Variants in GPHN observed in about 807,000 individuals in gnomAD.
The protein encoded by GPHN is gephyrin.
Under a neutral mutation model 95.5 loss-of-function variants are expected in GPHN, and 17 were observed. The observed-to-expected ratio is 0.18, with a 90% confidence interval of 0.12 to 0.27. The LOEUF (loss-of-function observed/expected upper bound fraction) is 0.27. GPHN is among the 10% of genes least tolerant of loss of function. The probability of loss-of-function intolerance (pLI) is 1.00; values close to 1 mark genes in which losing one functional copy is unlikely to be tolerated. For missense variants in GPHN, 660 were observed against 978.1 expected, an observed-to-expected ratio of 0.67 and a Z score of 4.34; for synonymous variants, 320 against 322.5, an observed-to-expected ratio of 0.99 and a Z score of 0.08.
the GPHN span, among the ~76,000 whole-genome samples, chr14:67,686,757 T>A: frequency 1.3e-5 from 2 of 152,100 alleles, no homozygotes; most frequent in Non-Finnish European, 2.9e-5. Context: ...CATACTTCAA[T>A]TTTTTTCTCT....
intron 9 of GPHN, among the ~76,000 whole-genome samples, chr14:67,019,983 G>A (rs925060075): frequency 6.6e-6 from 1 of 152,174 alleles, no homozygotes; most frequent in Non-Finnish European, 1.5e-5. Flanking sequence ...GGGCTTGTGT[G>A]TGTACAAGTG....
At chr14:66,736,656 C>T (rs1016754748) in intron 2 of GPHN, among the ~76,000 whole-genome samples, 9 of 152,134 alleles carry the variant, frequency 5.9e-5, no homozygotes, top group East Asian at 1.9e-4. Context: ...CCACCCGCCT[C>T]GGCCTCCTAA....
chr14:66,566,562 G>T (rs1368012401), intron 1 of GPHN, among the ~76,000 whole-genome samples: 5 of 152,102 alleles, frequency 3.3e-5, no homozygotes, highest in African/African-American at 1.2e-4. Flanking sequence ...TTGACTTACT[G>T]TAAGTGTTTT....
rs141369748 is a variant in GPHN, at chr14:66,677,518, C to A, written c.65-3589C>A. 5.5e-3 allele frequency among the ~76,000 whole-genome samples: 829 copies of A among 152,084 alleles called. 7 individuals are homozygous for A. The highest frequency in any genetic ancestry group is 9.5e-3 in the Admixed American group (146 of 15,288). ...AATTTCTTAATTGAACCATAAGTTT[C>A]TCAGGGTCTTTTCTCTTTTTTTCTT... On this transcript the variant is annotated intron_variant, in intron 1 of 22. Transcript: ENST00000478722.
At chr14:67,661,111 CAA>C in the GPHN span, among the ~76,000 whole-genome samples, 1 of 151,746 alleles carries the variant, frequency 6.6e-6, no homozygotes, top group South Asian at 2.1e-4. Flanking sequence ...GTTCGCTGGC[CAA>C]AAGAGAATTT....
rs138339985 is a variant in GPHN at position 66,795,607 on chromosome 14, A to G, written c.201+19086A>G. ...GTTTTTTTAAGGACTACCCAAGGGT[A>G]TATTTCAACATCCATCCATTATAGT... On this transcript the variant is annotated intron_variant, in intron 3 of 22. Transcript: ENST00000478722. 4.9e-3 allele frequency among the ~76,000 whole-genome samples: 742 copies of G among 152,206 alleles called. 11 individuals carry two copies. Among genetic ancestry groups the G allele is most frequent in the African/African-American group, 0.017 (716 of 41,554 alleles).
At chr14:66,613,787 A>G (rs963975580) in intron 1 of GPHN, among the ~76,000 whole-genome samples, 1 of 152,150 alleles carries the variant, frequency 6.6e-6, no homozygotes, top group Non-Finnish European at 1.5e-5. Context: ...AGTATAATTG[A>G]TGGGTTAAAT....
chr14:67,230,577 A>C, the GPHN span, among the ~76,000 whole-genome samples: 1 of 152,190 alleles, frequency 6.6e-6, no homozygotes, highest in Non-Finnish European at 1.5e-5. Flanking sequence ...CTCTCAAGAA[A>C]AAAAAAGATA....
rs182337539 is a variant in GPHN at position 66,641,180 on chromosome 14, C to T, written c.65-39927C>T. On this transcript the variant is annotated intron_variant, in intron 1 of 22. Transcript: ENST00000478722. ...GATGGTTCAACTTACAATTGTTTGACGTAACGGTGGTGCAAAAATGATACA... is the reference window on the plus strand; with the variant it reads ...GATGGTTCAACTTACAATTGTTTGATGTAACGGTGGTGCAAAAATGATACA... 6.6e-5 allele frequency among the ~76,000 whole-genome samples: 10 copies of T among 152,198 alleles called. No individual in the cohort carries two copies. The East Asian group carries it at 9.7e-4, about 15-fold the overall frequency.
the GPHN span, among the ~76,000 whole-genome samples, chr14:67,638,213 A>G: frequency 3.0e-4 from 45 of 152,230 alleles, no homozygotes; most frequent in African/African-American, 1.1e-3. Context: ...CCTTACTTAA[A>G]ATAATATTAT....
At chr14:66,775,073 C>G (rs1038098600) in intron 2 of GPHN, among the ~76,000 whole-genome samples, 12 of 151,744 alleles carry the variant, frequency 7.9e-5, no homozygotes, top group Non-Finnish European at 1.2e-4. Context: ...AGGTTTGTTA[C>G]ATGGGTAAAT....
chr14:67,279,067 T>G, the GPHN span: 1 of 681,476 alleles, frequency 1.5e-6, no homozygotes, highest in Non-Finnish European at 2.1e-6. Flanking sequence ...ATGTGAGAAG[T>G]TTTTTTTTTT....
chr14:67,200,118 C>T, the GPHN span: 1 of 1,060,468 alleles, frequency 9.4e-7, no homozygotes, highest in Non-Finnish European at 1.4e-6. Flanking sequence ...GCATGCCCCC[C>T]CGAAGGCCTC....
At chr14:66,545,755 C>T (rs1244270190) in intron 1 of GPHN, among the ~76,000 whole-genome samples, 2 of 144,736 alleles carry the variant, frequency 1.4e-5, no homozygotes, top group Non-Finnish European at 1.5e-5. Flanking sequence ...CCACCTCCCT[C>T]CCGGACGGGG....
At chr14:67,563,026 C>A in the GPHN span, 1 of 889,918 alleles carries the variant, frequency 1.1e-6, no homozygotes, top group African/African-American at 1.7e-5. Flanking sequence ...AGGCAGGTAC[C>A]ATGGAGCCTG....
chr14:67,026,799 CG>C (rs1371733939), intron 10 of GPHN, among the ~76,000 whole-genome samples: 20 of 152,068 alleles, frequency 1.3e-4, no homozygotes, highest in African/African-American at 4.8e-4. Flanking sequence ...CCCGCCACCT[CG>C]CCCGGCTAAT....
chr14:67,601,160 G>C, the GPHN span, among the ~76,000 whole-genome samples: 1,244 of 152,306 alleles, frequency 8.2e-3, 15 homozygotes, highest in African/African-American at 0.029. Flanking sequence ...GCAGTCAGGC[G>C]AAGTCTCTAA....
chr14:67,195,239 C>A, the GPHN span, among the ~76,000 whole-genome samples: 2 of 152,184 alleles, frequency 1.3e-5, no homozygotes, highest in South Asian at 4.1e-4. Context: ...CAACTTTGTT[C>A]AAAAAGGAAG....
intron 1 of GPHN, among the ~76,000 whole-genome samples, chr14:66,524,799 C>T (rs1285820628): frequency 6.6e-6 from 1 of 152,124 alleles, no homozygotes; most frequent in Non-Finnish European, 1.5e-5. Flanking sequence ...TTTCCAGCTT[C>T]ATCGATGTCC....
Sources: allele counts gnomAD v4.1 joint callset (sites outside exome capture counted in the v4.1 genomes callset), GRCh38; gene constraint gnomAD v4.1.1; transcripts MANE v1.5; gene names NCBI Gene and HGNC (gene_info 2026-07-23, HGNC 2026-07-21).